The following ADGRG2 variants were observed in gnomAD, a reference collection of about 807,000 sequenced individuals.
ADGRG2 encodes the protein adhesion G protein-coupled receptor G2, also known as G protein-coupled receptor 64.
In ADGRG2, 26 loss-of-function variants were observed where a neutral mutation model predicts 74.1. That is an observed-to-expected ratio of 0.35 (90% confidence interval 0.26 to 0.49). The LOEUF (loss-of-function observed/expected upper bound fraction) is 0.49. ADGRG2 is among the 20% of genes least tolerant of loss of function. The pLI is 0.99. For missense variants in ADGRG2, 619 were observed against 763.1 expected (o/e 0.81, Z 2.22); for synonymous variants, 296 against 295.2 (o/e 1.00, Z -0.03).
At chrX:19,068,654 CA>C in intron 3 of ADGRG2, 62 bp downstream of exon 3, 1 of 473,936 alleles carries the variant, frequency 2.1e-6, no homozygotes, top group Non-Finnish European at 3.5e-6. Context: ...TCCTAAATAA[CA>C]AAAAAATACA....
intron 2 of ADGRG2, among the ~76,000 whole-genome samples, chrX:19,070,971 AT>A (rs2061644923): frequency 9.3e-6 from 1 of 107,191 alleles, no homozygotes; most frequent in Non-Finnish European, 1.9e-5. Flanking sequence ...TGTGCTCTTC[AT>A]TCATTCATTC....
chrX:19,011,497 CAT>C (rs2060355252), intron 16 of ADGRG2, among the ~76,000 whole-genome samples: 3 of 111,883 alleles, frequency 2.7e-5, no homozygotes, highest in African/African-American at 9.7e-5. Flanking sequence ...TAATTTGTAT[CAT>C]GTGTACAGGA....
Position 18,990,224 on chromosome X carries a change from A to C in ADGRG2, c.*640T>G, listed in dbSNP as rs370432517. 2 of 112,886 alleles carry C rather than the reference A, an allele frequency of 1.8e-5. No homozygotes were observed. The highest frequency in any genetic ancestry group is 3.7e-5 in the Non-Finnish European group (2 of 53,360). 9.3% of individuals were successfully genotyped at this position (112,886 alleles called of 1,213,427 possible). A position where few individuals can be genotyped will look rare whatever the true frequency, so the allele number is the denominator to read the frequency against. ...GAGCTAACTGTGGCACTGTCTGCTT[A>C]CATTTTCTCAGTCTGGCTGGGATCA... On this transcript the variant is annotated 3_prime_UTR_variant, in exon 29 of 29. Coordinates refer to ENST00000379869, the MANE Select transcript of ADGRG2 (RefSeq NM_001079858.3).
intron 3 of ADGRG2, among the ~76,000 whole-genome samples, chrX:19,050,762 C>G (rs965508572): frequency 9.0e-6 from 1 of 111,424 alleles, no homozygotes; most frequent in East Asian, 2.8e-4. Flanking sequence ...ATGTCCAGAT[C>G]CCACCCCTGA....
At chrX:19,096,148 C>A (rs1314298667) in intron 1 of ADGRG2, among the ~76,000 whole-genome samples, 1 of 111,794 alleles carries the variant, frequency 8.9e-6, no homozygotes, top group Non-Finnish European at 1.9e-5. Context: ...CGGTGGCTCA[C>A]GCCTGTAATC....
chrX:19,048,828 G>A (rs373085645), intron 3 of ADGRG2, among the ~76,000 whole-genome samples: 101 of 112,199 alleles, frequency 9.0e-4, no homozygotes, highest in Non-Finnish European at 1.4e-3. Flanking sequence ...TGTAACTTCC[G>A]AAGGCTGGTA....
chrX:19,094,088 T>G (rs980130827), intron 1 of ADGRG2, among the ~76,000 whole-genome samples: 10 of 111,714 alleles, frequency 9.0e-5, no homozygotes, highest in African/African-American at 3.3e-4. Flanking sequence ...TAATGTGACA[T>G]GGACATAGAG....
At chrX:19,115,194 G>C (rs1322259199) in intron 1 of ADGRG2, among the ~76,000 whole-genome samples, 1 of 110,977 alleles carries the variant, frequency 9.0e-6, no homozygotes, top group African/African-American at 3.3e-5. Context: ...ACTTCTCTTA[G>C]GACAAGTGTC....
At chrX:19,019,367 G>A (rs1427907314) in intron 15 of ADGRG2, among the ~76,000 whole-genome samples, 3 of 111,385 alleles carry the variant, frequency 2.7e-5, no homozygotes, top group Non-Finnish European at 5.6e-5. Flanking sequence ...TAGTTGGTGA[G>A]TCTTGGGAGT....
rs138957607 is a variant in ADGRG2, at chrX:19,110,375, A to G, written c.-47+12067T>C. On this transcript the variant is annotated intron_variant, in intron 1 of 28. Transcript: ENST00000379869. Reference sequence around the variant, plus strand: ...TTAAACTGAGATCTGAATGATGAGGAACCAGCAATAAGAAGATAAAGGAGG... The same window carrying G: ...TTAAACTGAGATCTGAATGATGAGGGACCAGCAATAAGAAGATAAAGGAGG... Among the ~76,000 whole-genome samples, 949 of 111,468 alleles carry G rather than the reference A, an allele frequency of 8.5e-3. 11 individuals are homozygous for G. The highest frequency in any genetic ancestry group is 0.03 in the African/African-American group (907 of 30,718).
chrX:19,016,613 T>C (rs1693768323), intron 15 of ADGRG2, among the ~76,000 whole-genome samples: 1 of 109,099 alleles, frequency 9.2e-6, no homozygotes, highest in African/African-American at 3.3e-5. Flanking sequence ...GTTACATATG[T>C]ATACATGTGC....
intron 2 of ADGRG2, 109 bp downstream of exon 2, chrX:19,082,593 T>C (rs948659397): frequency 9.1e-6 from 1 of 109,684 alleles, no homozygotes; most frequent in Non-Finnish European, 1.9e-5. Flanking sequence ...AAAGTTGGTA[T>C]GGGGATGGGA....
chrX:19,029,268 G>C (rs2060774548), intron 9 of ADGRG2, among the ~76,000 whole-genome samples: 2 of 111,988 alleles, frequency 1.8e-5, no homozygotes, highest in Non-Finnish European at 3.8e-5. Flanking sequence ...GATCTACATA[G>C]ACTTATCCAT....
intron 9 of ADGRG2, among the ~76,000 whole-genome samples, chrX:19,028,454 C>T (rs1000316503): frequency 9.0e-6 from 1 of 110,975 alleles, no homozygotes; most frequent in African/African-American, 3.3e-5. Flanking sequence ...AAAACTTGTC[C>T]CCTTGTTAAG....
At chrX:19,078,788 C>A (rs1399335627) in intron 2 of ADGRG2, among the ~76,000 whole-genome samples, 5 of 106,371 alleles carry the variant, frequency 4.7e-5, no homozygotes, top group Non-Finnish European at 7.7e-5. Context: ...AAAAAAAAAG[C>A]ATATAATAAA....
intron 8 of ADGRG2, chrX:19,032,141 T>G (rs1406931912): frequency 8.9e-6 from 1 of 111,998 alleles, no homozygotes; most frequent in East Asian, 2.8e-4. Context: ...GTGCATGTGA[T>G]ATGCTTTCTG....
At chrX:19,026,175 T>C (rs188685267) in intron 11 of ADGRG2, among the ~76,000 whole-genome samples, 4 of 112,423 alleles carry the variant, frequency 3.6e-5, no homozygotes, top group African/African-American at 1.3e-4. Context: ...TCATTAGATG[T>C]AGCCAGGTCA....
Position 18,995,063 on chromosome X carries a change from G to A in ADGRG2, c.2717-15C>T, listed in dbSNP as rs2059992759. The A allele has an allele frequency of 1.7e-6, 2 of 1,165,493 alleles. No homozygotes were observed. The highest frequency in any genetic ancestry group is 4.8e-5 in the Admixed American group (2 of 42,073). On this transcript the variant is annotated splice_polypyrimidine_tract_variant and intron_variant, in intron 27 of 28. Transcript: ENST00000379869. ...TTTACTCCAGTCTACAGCAGAATAA[G>A]CATTACAGAAAAACAGGGCAGTATG...
intron 2 of ADGRG2, among the ~76,000 whole-genome samples, chrX:19,079,808 A>C (rs1159841601): frequency 1.8e-5 from 2 of 112,135 alleles, no homozygotes; most frequent in Non-Finnish European, 3.8e-5. Context: ...AAACAAGTGA[A>C]TCAATATCAG....
Sources: allele counts gnomAD v4.1 joint callset (sites outside exome capture counted in the v4.1 genomes callset), GRCh38; gene constraint gnomAD v4.1.1; transcripts MANE v1.5; gene names NCBI Gene and HGNC (gene_info 2026-07-23, HGNC 2026-07-21).